Variants in MTG1 observed in about 807,000 individuals in gnomAD.
MTG1 encodes mitochondrial ribosome associated GTPase 1.
In MTG1, 30 loss-of-function variants were observed where a neutral mutation model predicts 39.5. That is an observed-to-expected ratio of 0.76 (90% CI 0.57 to 1.03). The LOEUF is 1.03. Ranked by LOEUF, MTG1 falls within the 50% of genes least tolerant of loss-of-function variation. MTG1 has a pLI of 0.00. For missense variants in MTG1, 513 were observed against 447.4 expected (o/e 1.15, Z -1.32); for synonymous variants, 217 against 179.0 (o/e 1.21, Z -1.69).
intron 9 of MTG1, among the ~76,000 whole-genome samples, chr10:133,413,714 T>A (rs985965440): frequency 3.9e-5 from 6 of 152,208 alleles, no homozygotes; most frequent in Non-Finnish European, 8.8e-5. Flanking sequence ...CTTACAATAA[T>A]GCATTTCTGT....
chr10:133,410,119 C>G (rs1850023915), intron 9 of MTG1, among the ~76,000 whole-genome samples: 1 of 152,138 alleles, frequency 6.6e-6, no homozygotes, highest in Non-Finnish European at 1.5e-5. Flanking sequence ...GATCATAGCT[C>G]ACTGTAGCCT....
intron 9 of MTG1, among the ~76,000 whole-genome samples, chr10:133,412,442 C>T (rs1400298192): frequency 3.9e-5 from 6 of 152,120 alleles, no homozygotes; most frequent in Non-Finnish European, 8.8e-5. Flanking sequence ...TTTGTAGATT[C>T]CAGTTAGATT....
intron 3 of MTG1, among the ~76,000 whole-genome samples, chr10:133,396,863 A>G (rs1393078444): frequency 6.6e-6 from 1 of 152,200 alleles, no homozygotes. Context: ...TCCTTGGTCT[A>G]GCGGTAACGC....
At chr10:133,419,347 C>T (rs143511228) in intron 9 of MTG1, 133 bp from the exon 10 acceptor site, 316 of 648,762 alleles carry the variant, frequency 4.9e-4, no homozygotes, top group Non-Finnish European at 7.6e-4. Context: ...TCATCCACAG[C>T]GCCGCAGTCA....
intron 10 of MTG1, 23 bp from the exon 11 acceptor site, chr10:133,420,003 C>G: frequency 6.3e-7 from 1 of 1,590,900 alleles, no homozygotes; most frequent in Non-Finnish European, 8.6e-7. Flanking sequence ...GCTCCTTCCT[C>G]ACTGAACCCT....
intron 6 of MTG1, among the ~76,000 whole-genome samples, chr10:133,400,198 AAAAAG>A (rs1227155138): frequency 1.4e-4 from 22 of 152,222 alleles, no homozygotes; most frequent in South Asian, 4.1e-4. Context: ...TCTCAAAAAA[AAAAAG>A]AAAAGAAAAG....
At chr10:133,395,675 T>G (rs756168446) in intron 1 of MTG1, 38 bp from the exon 2 acceptor site, 20 of 1,608,200 alleles carry the variant, frequency 1.2e-5, no homozygotes, top group East Asian at 2.2e-5. Context: ...CTAGAAAGGT[T>G]GTGAGCCCCT....
At chr10:133,401,714 G>A (rs76722721) in intron 7 of MTG1, 124 bp downstream of exon 7, 11,882 of 905,202 alleles carry the variant, frequency 0.013, 227 homozygotes, top group African/African-American at 0.07. Flanking sequence ...CAGTGTCCCC[G>A]CTGAGCACCC....
At chr10:133,413,275 T>C (rs1403252268) in intron 9 of MTG1, among the ~76,000 whole-genome samples, 1 of 152,222 alleles carries the variant, frequency 6.6e-6, no homozygotes, top group African/African-American at 2.4e-5. Context: ...CATGCCCAGC[T>C]AATTGTTTTT....
chr10:133,401,563 C>T lies in MTG1; in HGVS notation c.546C>T (p.Ile182=). ...KATRVGGEPG[I]TRAVMSKIQV... Reference sequence around the variant, plus strand: ...CCAGGGTGGGTGGCGAGCCTGGGATCACCAGAGCTGTGATGTCCAAAATTC... The same window carrying T: ...CCAGGGTGGGTGGCGAGCCTGGGATTACCAGAGCTGTGATGTCCAAAATTC... Residue 182 remains isoleucine (I), a synonymous_variant, in exon 7 of 11, where the codon ATC becomes ATT. Transcript: ENST00000317502. The T allele has an allele frequency of 1.9e-6, 3 of 1,601,824 alleles. No individual in the cohort carries two copies. The highest frequency in any genetic ancestry group is 2.2e-5 in the South Asian group (2 of 90,016).
At chr10:133,405,071 C>G (rs1048902209) in intron 9 of MTG1, among the ~76,000 whole-genome samples, 1 of 152,114 alleles carries the variant, frequency 6.6e-6, no homozygotes, top group Non-Finnish European at 1.5e-5. Flanking sequence ...TTTCTTGAGG[C>G]CGGGTGGCAG....
chr10:133,399,312 C>T (rs1174392293), intron 5 of MTG1, 86 bp downstream of exon 5: 19 of 1,492,986 alleles, frequency 1.3e-5, no homozygotes, highest in East Asian at 6.9e-5. Flanking sequence ...AAGGAGAAGG[C>T]GCAGCGCCCC....
rs1564817647 is a variant in MTG1 at position 133,395,763 on chromosome 10, G to A, written c.163G>A (p.Val55Ile). ...SLKLVDCIIE[V>I]HDARIPLSGR... ...GAAGCTGGTGGACTGTATCATCGAG[G>A]TCCACGATGCCCGGATATCCTTTCA... Residue 55 changes from valine (V) to isoleucine (I), a missense_variant, in exon 2 of 11, where the codon GTC becomes ATC. By Grantham distance (29) the Val-to-Ile change is conservative. Coordinates refer to ENST00000317502, the MANE Select transcript of MTG1 (RefSeq NM_138384.4). The A allele has an allele frequency of 6.2e-7, 1 of 1,614,092 alleles. No individual in the cohort carries two copies. Among genetic ancestry groups the A allele is most frequent in the Non-Finnish European group, 8.5e-7 (1 of 1,180,000 alleles).
Position 133,402,276 on chromosome 10 carries a change from T to C in MTG1, c.670+31T>C, listed in dbSNP as rs765135998. On this transcript the variant is annotated intron_variant, in intron 8 of 10. Coordinates refer to ENST00000317502, the MANE Select transcript of MTG1 (RefSeq NM_138384.4). This position sits in a 1 kb window ranked among gnomAD's most constrained non-coding sequence, Gnocchi z 4.7. Reference sequence around the variant, plus strand: ...CCGGGGCTGGGGCTGGGGCTGGGGCTGGGACCGGGGCCCCTGCCACCCCAC... The same window carrying C: ...CCGGGGCTGGGGCTGGGGCTGGGGCCGGGACCGGGGCCCCTGCCACCCCAC... The C allele has an allele frequency of 7.4e-7, 1 of 1,351,242 alleles. No homozygotes were observed. The highest frequency in any genetic ancestry group is 1.7e-5 in the African/African-American group (1 of 60,596). The allele number at this position is 1,351,242 out of a possible 1,614,324, so 83.7% of individuals were successfully genotyped here.
chr10:133,398,902 C>G (rs1849827268), intron 4 of MTG1, among the ~76,000 whole-genome samples: 1 of 152,168 alleles, frequency 6.6e-6, no homozygotes, highest in South Asian at 2.1e-4. Flanking sequence ...GTCCCCGGCC[C>G]CAGAGCTCAG....
intron 1 of MTG1, chr10:133,394,940 C>A (rs1043438694): frequency 1.3e-5 from 2 of 159,054 alleles, no homozygotes; most frequent in African/African-American, 4.8e-5. Flanking sequence ...GTGACTGAGG[C>A]TGTGTCCTCG....
chr10:133,409,900 C>CTTTTTTTTTTTTTTTTT (rs202081065), intron 9 of MTG1, among the ~76,000 whole-genome samples: 1 of 133,054 alleles, frequency 7.5e-6, no homozygotes, highest in Non-Finnish European at 1.6e-5. Flanking sequence ...TATTCCTGCT[C>CTTTTTTTTTTTTTTTTT]TTTTTTTTTT....
intron 9 of MTG1, among the ~76,000 whole-genome samples, chr10:133,407,505 T>G (rs932039773): frequency 3.3e-5 from 5 of 152,188 alleles, no homozygotes; most frequent in African/African-American, 1.2e-4. Flanking sequence ...TTCCACTTCT[T>G]TGGTCAGATG....
At chr10:133,418,249 C>T (rs903813940) in intron 9 of MTG1, among the ~76,000 whole-genome samples, 69 of 152,336 alleles carry the variant, frequency 4.5e-4, no homozygotes, top group African/African-American at 1.6e-3. Flanking sequence ...TCAAGTGATC[C>T]GTCCACCTTG....
Sources: gnomAD v4.1 joint callset for allele counts (sites outside exome capture counted in the v4.1 genomes callset) on GRCh38, gnomAD v4.1.1 for gene constraint, Gnocchi (gnomAD v3.1) non-coding constraint, MANE v1.5 for transcripts, NCBI Gene and HGNC (gene_info 2026-07-23, HGNC 2026-07-21) for gene names.